PDE10A: variants seen among roughly 807,000 people sequenced by gnomAD.
PDE10A encodes cAMP and cAMP-inhibited cGMP 3',5'-cyclic phosphodiesterase 10A.
A neutral mutation model predicts 97.7 loss-of-function variants in PDE10A; 39 were observed. That is an observed-to-expected ratio of 0.40 (90% CI 0.31 to 0.52). The LOEUF (loss-of-function observed/expected upper bound fraction) is 0.52. Ranked by LOEUF, PDE10A falls within the 20% of genes least tolerant of loss-of-function variation. The probability of loss-of-function intolerance (pLI) is 0.56; values close to 1 mark genes in which losing one functional copy is unlikely to be tolerated. For missense variants in PDE10A, 731 were observed against 1,047.8 expected, an observed-to-expected ratio of 0.70 and a Z score of 4.17; for synonymous variants, 371 against 376.8, an observed-to-expected ratio of 0.98 and a Z score of 0.18.
intron 1 of PDE10A, among the ~76,000 whole-genome samples, chr6:165,952,031 T>C (rs559584679): frequency 1.2e-4 from 18 of 152,272 alleles, no homozygotes; most frequent in Non-Finnish European, 2.4e-4. Flanking sequence ...ATTCTCGCAA[T>C]AGCCTCCTGA....
chr6:165,375,216 C>A (rs564788), intron 18 of PDE10A, among the ~76,000 whole-genome samples: 70,079 of 152,034 alleles, frequency 0.46, 16,903 homozygotes, highest in African/African-American at 0.61. Context: ...CTTAGGAAGG[C>A]ACATCTAAAG....
chr6:165,833,681 CAGCAATTCTTCTCGAG>C (rs1332965402), intron 1 of PDE10A, among the ~76,000 whole-genome samples: 1 of 152,252 alleles, frequency 6.6e-6, no homozygotes, highest in Non-Finnish European at 1.5e-5. Flanking sequence ...CAGCCAGGGG[CAGCAATTCTTCTCGAG>C]ATGTTCTTGT....
At chr6:165,927,647 C>CATATATATATATATATATATATATAT (rs71029572) in intron 1 of PDE10A, among the ~76,000 whole-genome samples, 8 of 73,236 alleles carry the variant, frequency 1.1e-4, no homozygotes, top group African/African-American at 1.8e-4. Flanking sequence ...ATGAGAATGA[C>CATATATATATATATATATATATATAT]ATATATATAT....
intron 1 of PDE10A, among the ~76,000 whole-genome samples, chr6:165,827,686 G>A (rs1351927769): frequency 6.6e-6 from 1 of 152,114 alleles, no homozygotes; most frequent in East Asian, 1.9e-4. Context: ...AGGTTTTTGG[G>A]AACAGGTGGT....
rs1451328298 is a variant in PDE10A, at chr6:165,445,160, T to C, written c.1194+3768A>G. On this transcript the variant is annotated intron_variant, in intron 5 of 21. Transcript: ENST00000539869. ...CCTGTGCAAAAGATGTTTCATTTAATTTAATATGGTTATATTTTAGAAGTG... is the reference window on the plus strand; with the variant it reads ...CCTGTGCAAAAGATGTTTCATTTAACTTAATATGGTTATATTTTAGAAGTG... Among the ~76,000 whole-genome samples, 18 of 152,358 alleles carry C rather than the reference T, an allele frequency of 1.2e-4. No homozygotes were observed. In the East Asian group the frequency reaches 3.5e-3, roughly 29 times the overall value.
At chr6:165,379,540 G>A (rs893443335) in intron 17 of PDE10A, among the ~76,000 whole-genome samples, 174 bp from the exon 18 acceptor site, 3 of 151,982 alleles carry the variant, frequency 2.0e-5, no homozygotes, top group African/African-American at 4.8e-5. Flanking sequence ...CGAAAACTGC[G>A]TTTTGGTTTC....
At chr6:165,390,037 A>C (rs1286115366) in intron 16 of PDE10A, among the ~76,000 whole-genome samples, 3 of 152,220 alleles carry the variant, frequency 2.0e-5, no homozygotes, top group African/African-American at 7.2e-5. Context: ...ATATTGACTC[A>C]ATGTGTTAGT....
At chr6:165,940,244 AG>A (rs1267719675) in intron 1 of PDE10A, 8 of 152,252 alleles carry the variant, frequency 5.3e-5, no homozygotes, top group African/African-American at 1.9e-4. Context: ...TATAGCACGT[AG>A]ACTCAAATCT....
At chr6:165,803,517 C>T (rs896709041) in intron 1 of PDE10A, among the ~76,000 whole-genome samples, 1 of 152,130 alleles carries the variant, frequency 6.6e-6, no homozygotes, top group Admixed American at 6.5e-5. Context: ...TTCATGTCTA[C>T]ATCCCAGTAT....
chr6:165,421,601 T>C lies in PDE10A; in HGVS notation c.1654-2824A>G, dbSNP rs765220104. On this transcript the variant is annotated intron_variant, in intron 10 of 21. Transcript: ENST00000539869. Reference sequence around the variant, plus strand: ...ATAACAAAATCGCTGCCTTAAGATATTAAAGTTAAGAACAAGACAAAGGTA... The same window carrying C: ...ATAACAAAATCGCTGCCTTAAGATACTAAAGTTAAGAACAAGACAAAGGTA... Among the ~76,000 whole-genome samples the C allele has an allele frequency of 2.0e-5, 3 of 152,162 alleles. 1 individual carries two copies. The South Asian group carries it at 6.2e-4, about 32-fold the overall frequency.
Position 165,811,229 on chromosome 6 carries a change from A to AC in PDE10A, c.-615+176299_-615+176300insG, listed in dbSNP as rs1270580213. On this transcript the variant is annotated intron_variant, in intron 1 of 19. Coordinates refer to the PDE10A transcript ENST00000366882. The stretch of plus-strand genomic sequence containing the variant: ...CAAAGCAAGACTCCGTCTCAAAAAA[A>AC]ACAAACACAAAAACAAACACACAAA... Among the ~76,000 whole-genome samples, 6 of 152,184 alleles carry AC rather than the reference A, an allele frequency of 3.9e-5. No homozygotes were observed. In the South Asian group the frequency reaches 1.0e-3, roughly 26 times the overall value.
At chr6:165,773,580 T>C (rs574316354) in intron 1 of PDE10A, among the ~76,000 whole-genome samples, 1 of 152,284 alleles carries the variant, frequency 6.6e-6, no homozygotes, top group South Asian at 2.1e-4. Context: ...GACCAAGATA[T>C]AGCCAAGAAC....
At chr6:165,337,169 A>T (rs1305449342) in intron 20 of PDE10A, among the ~76,000 whole-genome samples, 1 of 152,182 alleles carries the variant, frequency 6.6e-6, no homozygotes, top group Non-Finnish European at 1.5e-5. Flanking sequence ...ATAATATTTT[A>T]TTAGGAATTC....
chr6:165,757,868 T>G (rs538213806), intron 1 of PDE10A, among the ~76,000 whole-genome samples: 54 of 152,332 alleles, frequency 3.5e-4, no homozygotes, highest in African/African-American at 1.2e-3. Context: ...TAGAGAGAAT[T>G]GACAACTTTA....
At chr6:165,528,847 G>A (rs554427515) in intron 2 of PDE10A, among the ~76,000 whole-genome samples, 13 of 152,298 alleles carry the variant, frequency 8.5e-5, no homozygotes, top group African/African-American at 1.9e-4. Context: ...CCAACTAGGT[G>A]ACAATATTTT....
intron 18 of PDE10A, among the ~76,000 whole-genome samples, chr6:165,374,643 T>C (rs752767466): frequency 1.3e-5 from 2 of 152,098 alleles, no homozygotes; most frequent in Non-Finnish European, 2.9e-5. Flanking sequence ...TGAATTTCTA[T>C]AGCCTTTTCT....
intron 2 of PDE10A, among the ~76,000 whole-genome samples, chr6:165,531,878 A>G (rs1782799651): frequency 6.6e-6 from 1 of 152,252 alleles, no homozygotes; most frequent in African/African-American, 2.4e-5. Flanking sequence ...GAATTAAAAG[A>G]CAAAACCTTT....
chr6:165,927,356 T>G (rs148453281), intron 1 of PDE10A, among the ~76,000 whole-genome samples: 1 of 152,220 alleles, frequency 6.6e-6, no homozygotes, highest in Non-Finnish European at 1.5e-5. Context: ...AACAGATTGG[T>G]TAAATTATTT....
intron 1 of PDE10A, among the ~76,000 whole-genome samples, chr6:165,959,640 C>T (rs1050860235): frequency 3.9e-5 from 6 of 152,218 alleles, no homozygotes; most frequent in South Asian, 2.1e-4. Flanking sequence ...GAGAAAATAG[C>T]GGGAAGGGAG....
Sources: allele counts gnomAD v4.1 joint callset (sites outside exome capture counted in the v4.1 genomes callset), GRCh38; gene constraint gnomAD v4.1.1; transcripts MANE v1.5; gene names NCBI Gene and HGNC (gene_info 2026-07-23, HGNC 2026-07-21).